Variants in SCNN1G observed in about 807,000 individuals in gnomAD.
The protein encoded by SCNN1G is sodium channel epithelial 1 subunit gamma.
SCNN1G carries 27 observed loss-of-function variants against 64.6 expected under a neutral mutation model. The observed-to-expected ratio is 0.42, with a 90% CI of 0.31 to 0.58. The LOEUF (loss-of-function observed/expected upper bound fraction) is 0.58, where lower values mean the gene tolerates loss of function less well. SCNN1G is among the 20% of genes least tolerant of loss of function. The pLI, the probability that SCNN1G is intolerant of heterozygous loss-of-function variation, is 0.18. For synonymous variants in SCNN1G, 330 were observed against 314.2 expected (o/e 1.05, Z -0.53); for missense variants, 743 against 823.4 (o/e 0.90, Z 1.19).
intron 3 of SCNN1G, 60 bp from the exon 4 acceptor site, chr16:23,192,292 C>CG: frequency 7.4e-6 from 10 of 1,346,550 alleles, no homozygotes; most frequent in Non-Finnish European, 1.1e-5. Flanking sequence ...TTCTTATGGT[C>CG]CTTCTGAAGA....
At chr16:23,189,711 A>C in intron 3 of SCNN1G, 40 bp downstream of exon 3, 1 of 1,593,560 alleles carries the variant, frequency 6.3e-7, no homozygotes, top group Non-Finnish European at 8.6e-7. Flanking sequence ...GCTTAGGGGC[A>C]TGGGATGGGC....
chr16:23,192,005 T>C (rs999462499), intron 3 of SCNN1G, among the ~76,000 whole-genome samples: 3 of 152,098 alleles, frequency 2.0e-5, no homozygotes, highest in Non-Finnish European at 2.9e-5. Flanking sequence ...TTTGATATGA[T>C]AGGAAATGGG....
In SCNN1G at chr16:23,189,542, T is replaced by C; in HGVS notation, c.489T>C (p.Phe163=). The C allele has an allele frequency of 6.2e-7, 1 of 1,614,206 alleles. No homozygotes were observed. The highest frequency in any genetic ancestry group is 8.5e-7 in the Non-Finnish European group (1 of 1,180,038). The change falls in exon 3 of 13, where the codon TTT becomes TTC. Residue 163 remains phenylalanine (F), a synonymous_variant. Transcript: ENST00000300061. ...RFSHRIPLLI[F]DQDEKGKARD... is the part of the protein sequence containing the mutation. ...CCCACCGGATTCCGCTGCTGATCTT[T>C]GATCAGGATGAGAAGGGCAAGGCCA... is the stretch of plus-strand genomic sequence containing the variant.
chr16:23,211,949 AC>A lies in SCNN1G; in HGVS notation c.1177-80del, dbSNP rs985967627. On this transcript the variant is annotated intron_variant, in intron 7 of 12. Transcript: ENST00000300061. ...GGTTGGCCAAGGTTAAGGGAGGCTG[AC>A]CCCCTGGGCTGAGGGATGTGCAGGA... is the stretch of plus-strand genomic sequence containing the variant. The A allele has an allele frequency of 1.8e-5, 18 of 990,096 alleles. No homozygotes were observed. In the African/African-American group the frequency reaches 2.1e-4, roughly 11 times the overall value. 61.3% of individuals were successfully genotyped at this position (990,096 alleles called of 1,614,324 possible).
Position 23,192,353 on chromosome 16 carries a change from G to A in SCNN1G, c.620G>A (p.Cys207Tyr). 1 of 1,613,670 alleles carries A rather than the reference G, an allele frequency of 6.2e-7. No individual in the cohort carries two copies. The highest frequency in any genetic ancestry group is 8.5e-7 in the Non-Finnish European group (1 of 1,179,652). The change falls in exon 4 of 13, where the codon TGC becomes TAC. Residue 207 changes from cysteine to tyrosine, a missense_variant and splice_region_variant. Coordinates refer to ENST00000300061, the MANE Select transcript of SCNN1G (RefSeq NM_001039.4). ...ESKQVVGFQLCSNDTSDCATY... is the reference protein window; with the variant it reads ...ESKQVVGFQLYSNDTSDCATY... ...CCTCGCATCTCCTCTTATTCACAGT[G>A]CTCAAATGACACCTCCGACTGTGCC... is the stretch of plus-strand genomic sequence containing the variant.
chr16:23,195,168 G>A (rs1959776034), intron 5 of SCNN1G: 1 of 152,090 alleles, frequency 6.6e-6, no homozygotes, highest in East Asian at 1.9e-4. Context: ...TTGGGGGTTA[G>A]GGCTTCAACA....
intron 3 of SCNN1G, among the ~76,000 whole-genome samples, chr16:23,191,429 ATGTT>A (rs376025662): frequency 1.5e-4 from 23 of 152,084 alleles, no homozygotes; most frequent in African/African-American, 5.3e-4. Flanking sequence ...CTTTATATAG[ATGTT>A]TGTTTGTTTG....
At chr16:23,190,608 C>T (rs1171158997) in intron 3 of SCNN1G, among the ~76,000 whole-genome samples, 1 of 152,076 alleles carries the variant, frequency 6.6e-6, no homozygotes. Flanking sequence ...CTTGGGTCAC[C>T]TAATCACCCT....
intron 6 of SCNN1G, among the ~76,000 whole-genome samples, chr16:23,204,334 T>TATATATATATATAG (rs1567267153): frequency 6.6e-5 from 1 of 15,176 alleles, no homozygotes; most frequent in Non-Finnish European, 1.1e-4. Context: ...TATATATATA[T>TATATATATATATAG]AGAGAGAGAG....
chr16:23,215,026 T>A (rs1960137076), intron 12 of SCNN1G, 63 bp from the exon 13 acceptor site: 1 of 1,600,448 alleles, frequency 6.2e-7, no homozygotes, highest in Non-Finnish European at 8.6e-7. Flanking sequence ...GAATCAGGGT[T>A]CCTGTGTGAG....
At chr16:23,205,051 G>C (rs542840535) in intron 6 of SCNN1G, among the ~76,000 whole-genome samples, 33 of 152,192 alleles carry the variant, frequency 2.2e-4, no homozygotes, top group African/African-American at 7.7e-4. Context: ...GACCTCAAGT[G>C]ACCCACCCGC....
chr16:23,193,069 CAAAA>C (rs56318076), intron 4 of SCNN1G, among the ~76,000 whole-genome samples: 16 of 69,128 alleles, frequency 2.3e-4, no homozygotes, highest in Admixed American at 8.1e-4. Context: ...ACTCTTGTCT[CAAAA>C]AAAAAAAAAA....
intron 1 of SCNN1G, among the ~76,000 whole-genome samples, chr16:23,185,066 C>G (rs1004255294): frequency 2.0e-5 from 3 of 152,204 alleles, no homozygotes; most frequent in Non-Finnish European, 4.4e-5. Context: ...CTGCACCCAG[C>G]GTACTACCAG....
At chr16:23,194,387 C>G in intron 5 of SCNN1G, 113 bp downstream of exon 5, 1 of 767,714 alleles carries the variant, frequency 1.3e-6, no homozygotes, top group Non-Finnish European at 2.3e-6. Flanking sequence ...TCCCACTTGG[C>G]CAGAAACCAG....
chr16:23,196,836 G>A lies in SCNN1G; in HGVS notation c.914-428G>A, dbSNP rs191888874. Among the ~76,000 whole-genome samples the A allele has an allele frequency of 1.8e-3, 281 of 152,280 alleles. 2 individuals are homozygous for A. The highest frequency in any genetic ancestry group is 6.6e-3 in the African/African-American group (274 of 41,558). ...AGGAGTGGGAGGAGAAGTTGGGCCA[G>A]TGATGAGAAACACCATTAGTGATTC... On this transcript the variant is annotated intron_variant, in intron 5 of 12. Transcript: ENST00000300061.
intron 6 of SCNN1G, among the ~76,000 whole-genome samples, chr16:23,208,283 G>A (rs1960022860): frequency 6.6e-6 from 1 of 152,062 alleles, no homozygotes; most frequent in Non-Finnish European, 1.5e-5. Context: ...GGAGGTAGAG[G>A]CTGTAGTGAC....
intron 6 of SCNN1G, among the ~76,000 whole-genome samples, chr16:23,208,297 T>G (rs1960023277): frequency 6.6e-6 from 1 of 151,984 alleles, no homozygotes; most frequent in Non-Finnish European, 1.5e-5. Flanking sequence ...TAGTGACCCT[T>G]GATTGTGCCA....
rs199757401 is a variant in SCNN1G at position 23,192,480 on chromosome 16, G to T, written c.747G>T (p.Met249Ile). 1 of 1,613,358 alleles carries T rather than the reference G, an allele frequency of 6.2e-7. No individual in the cohort carries two copies. ...TGCCTCTGGAGAAGAAAATCAACAT[G>T]AGCTATTCTGCTGAGGAGCTGCTGG... is the stretch of plus-strand genomic sequence containing the variant. ...AQVPLEKKIN[M>I]SYSAEELLVT... The change falls in exon 4 of 13, where the codon ATG (methionine) becomes ATT (isoleucine). Residue 249 changes from methionine (M) to isoleucine (I), a missense_variant. By Grantham distance (10) the Met-to-Ile change is conservative (BLOSUM62 1). Transcript: ENST00000300061.
In SCNN1G at chr16:23,189,334, C is replaced by T. The variant is rs555456728; in HGVS notation, c.318-37C>T. 6 of 1,606,868 alleles carry T rather than the reference C, an allele frequency of 3.7e-6. No individual in the cohort carries two copies. The East Asian group carries it at 1.3e-4, about 36-fold the overall frequency. ...AGCACCAGAGTTCTGCCAGGGCCGC[C>T]TCCCCTCTCCCTGACTTTTCCTCCC... On this transcript the variant is annotated intron_variant, in intron 2 of 12. Coordinates refer to ENST00000300061, the MANE Select transcript of SCNN1G (RefSeq NM_001039.4).
Sources: allele counts gnomAD v4.1 joint callset (sites outside exome capture counted in the v4.1 genomes callset), GRCh38; gene constraint gnomAD v4.1.1; transcripts MANE v1.5; gene names NCBI Gene and HGNC (gene_info 2026-07-23, HGNC 2026-07-21).